PLXNA4: variants seen among roughly 807,000 people sequenced by gnomAD.
The protein encoded by PLXNA4 is plexin A4, also known as plexin-A4.
Under a neutral mutation model 191.8 loss-of-function variants are expected in PLXNA4, and 44 were observed. That is an observed-to-expected ratio of 0.23 (90% CI 0.18 to 0.29). The LOEUF (loss-of-function observed/expected upper bound fraction) is 0.29, where lower values mean the gene tolerates loss of function less well. Among genes scored for constraint, PLXNA4 ranks in the 10% least tolerant of loss-of-function variants. The pLI is 1.00. For synonymous variants in PLXNA4, 1,082 were observed against 1,009.5 expected (o/e 1.07, Z -1.36); for missense variants, 1,800 against 2,488.8 (o/e 0.72, Z 5.89).
At chr7:132,561,930 T>C (rs1319079168) in intron 1 of PLXNA4, among the ~76,000 whole-genome samples, 1 of 141,622 alleles carries the variant, frequency 7.1e-6, no homozygotes, top group South Asian at 2.5e-4. Context: ...CTCCTCATCC[T>C]CCTCCTCCTT....
intron 3 of PLXNA4, among the ~76,000 whole-genome samples, chr7:132,433,225 G>A (rs868837081): frequency 5.9e-5 from 9 of 152,162 alleles, no homozygotes; most frequent in Admixed American, 1.3e-4. Context: ...ATCACTCACC[G>A]CTTTTGACAA....
At position 132,328,079 on chromosome 7, in the gene PLXNA4, G is replaced by T. The variant is rs539997355; in HGVS notation, c.1372-29857C>A. Among the ~76,000 whole-genome samples the T allele has an allele frequency of 2.6e-5, 4 of 152,270 alleles. No individual in the cohort carries two copies. In the South Asian group the frequency reaches 6.2e-4, roughly 24 times the overall value. On this transcript the variant is annotated intron_variant, in intron 3 of 31. Coordinates refer to ENST00000321063, the MANE Select transcript of PLXNA4 (RefSeq NM_020911.2). ...GCCTTTGAACTCTCTTCCTCGTTCC[G>T]CTCTGGCAGCCCATTTTCCTTTAGG...
chr7:132,293,643 AAG>A (rs1282815911), intron 4 of PLXNA4, among the ~76,000 whole-genome samples: 2 of 152,196 alleles, frequency 1.3e-5, no homozygotes, highest in African/African-American at 4.8e-5. Context: ...CAGATCAGAG[AAG>A]AGAGAGGCTG....
At chr7:132,563,513 CCTGCTGCTCCTCCTCCTCTTT>C (rs1801479425) in intron 1 of PLXNA4, among the ~76,000 whole-genome samples, 1 of 43,716 alleles carries the variant, frequency 2.3e-5, no homozygotes. Context: ...TCCTCCTCCT[CCTGCTGCTCCTCCTCCTCTTT>C]CTCCTCCTCC....
chr7:132,236,729 C>A (rs1285238663), intron 5 of PLXNA4, among the ~76,000 whole-genome samples: 1 of 152,126 alleles, frequency 6.6e-6, no homozygotes, highest in African/African-American at 2.4e-5. Flanking sequence ...ACACAGCACT[C>A]CTTGGAAGCA....
intron 3 of PLXNA4, among the ~76,000 whole-genome samples, chr7:132,346,623 C>A (rs1422119443): frequency 6.6e-6 from 1 of 152,174 alleles, no homozygotes; most frequent in East Asian, 1.9e-4. Flanking sequence ...AACACACCAT[C>A]CTTCATTTAT....
At chr7:132,346,321 CAGTT>C (rs1451934016) in intron 3 of PLXNA4, among the ~76,000 whole-genome samples, 2 of 152,276 alleles carry the variant, frequency 1.3e-5, no homozygotes, top group African/African-American at 4.8e-5. Flanking sequence ...ATCAGGAAGG[CAGTT>C]AGATGTTTTA....
Position 132,468,079 on chromosome 7 carries a change from T to C in PLXNA4, c.1371+21213A>G, listed in dbSNP as rs561271611. ...CCATCCTGGTGTGACCGAGTTGGAA[T>C]AAACCCCCCAGTCCTTAGCTCTCTG... On this transcript the variant is annotated intron_variant, in intron 3 of 31. Coordinates refer to ENST00000321063, the MANE Select transcript of PLXNA4 (RefSeq NM_020911.2). 5.3e-5 allele frequency among the ~76,000 whole-genome samples: 8 copies of C among 152,294 alleles called. No individual in the cohort carries two copies. In the East Asian group the frequency reaches 1.5e-3, roughly 29 times the overall value.
At chr7:132,639,848 A>C (rs1185892686) in intron 2 of PLXNA4, among the ~76,000 whole-genome samples, 1 of 152,218 alleles carries the variant, frequency 6.6e-6, no homozygotes, top group Non-Finnish European at 1.5e-5. Flanking sequence ...AAATTTCCAG[A>C]CCATGATGAG....
intron 3 of PLXNA4, among the ~76,000 whole-genome samples, chr7:132,385,988 A>G (rs1044574772): frequency 6.6e-6 from 1 of 152,228 alleles, no homozygotes; most frequent in African/African-American, 2.4e-5. Context: ...GTTATTCAAT[A>G]TCAGCCCCTT....
chr7:132,444,720 C>A (rs997067322), intron 3 of PLXNA4, among the ~76,000 whole-genome samples: 4 of 152,084 alleles, frequency 2.6e-5, no homozygotes. Flanking sequence ...GCTGTGCCAA[C>A]CTGTGGGTGT....
chr7:132,156,332 A>G (rs1427372603), intron 25 of PLXNA4, among the ~76,000 whole-genome samples: 1 of 152,154 alleles, frequency 6.6e-6, no homozygotes, highest in African/African-American at 2.4e-5. Flanking sequence ...CTGAGGAGCA[A>G]TGAATAGACA....
intron 2 of PLXNA4, among the ~76,000 whole-genome samples, chr7:132,609,105 C>T (rs115814741): frequency 0.015 from 2,259 of 152,306 alleles, 71 homozygotes; most frequent in African/African-American, 0.052. Context: ...CAGCCCCCTC[C>T]GTCCCATTCC....
chr7:132,523,274 C>G (rs1346515957), intron 1 of PLXNA4, among the ~76,000 whole-genome samples: 1 of 152,190 alleles, frequency 6.6e-6, no homozygotes, highest in Non-Finnish European at 1.5e-5. Flanking sequence ...TACAAGATAA[C>G]TGTTGCAAGC....
intron 4 of PLXNA4, among the ~76,000 whole-genome samples, chr7:132,267,540 C>T (rs1799903375): frequency 2.6e-5 from 4 of 152,148 alleles, no homozygotes; most frequent in Admixed American, 2.6e-4. Flanking sequence ...TGATCCACTG[C>T]TGTTAAGCTA....
Position 132,582,305 on chromosome 7 carries a change from G to T in PLXNA4, c.-87+63623C>A, listed in dbSNP as rs538346382. On this transcript the variant is annotated intron_variant, in intron 2 of 4. Coordinates refer to the PLXNA4 transcript ENST00000378539. ...GAAGATGGATTCGTGCTGATGGGTT[G>T]AATGCTCTTGCCTGGTAACACATTT... Among the ~76,000 whole-genome samples the T allele has an allele frequency of 8.1e-4, 123 of 152,324 alleles. 1 individual carries two copies. The highest frequency in any genetic ancestry group is 1.4e-3 in the Non-Finnish European group (98 of 68,024).
intron 4 of PLXNA4, among the ~76,000 whole-genome samples, chr7:132,291,438 A>C (rs1343715535): frequency 6.6e-6 from 1 of 152,154 alleles, no homozygotes; most frequent in African/African-American, 2.4e-5. Context: ...CCAGAATGTA[A>C]GGCCTATAAG....
chr7:132,212,164 C>T (rs1797824503), intron 9 of PLXNA4, among the ~76,000 whole-genome samples: 1 of 152,144 alleles, frequency 6.6e-6, no homozygotes, highest in Non-Finnish European at 1.5e-5. Flanking sequence ...AGACAGATGG[C>T]TCCTGGGCAG....
intron 3 of PLXNA4, among the ~76,000 whole-genome samples, chr7:132,386,626 C>G (rs144660041): frequency 6.6e-6 from 1 of 152,204 alleles, no homozygotes; most frequent in Non-Finnish European, 1.5e-5. Flanking sequence ...CTGCCTCTCT[C>G]GTTAGTCAGC....
Sources: allele counts gnomAD v4.1 joint callset (sites outside exome capture counted in the v4.1 genomes callset), GRCh38; gene constraint gnomAD v4.1.1; transcripts MANE v1.5; gene names NCBI Gene and HGNC (gene_info 2026-07-23, HGNC 2026-07-21).